Variants in IPO5 observed in about 807,000 individuals in gnomAD.
IPO5 encodes the protein importin 5.
Under a neutral mutation model 143.3 loss-of-function variants are expected in IPO5, and 18 were observed. The observed-to-expected ratio is 0.13, with a 90% confidence interval of 0.09 to 0.19. The LOEUF is 0.19. Ranked by LOEUF, IPO5 falls within the 10% of genes least tolerant of loss-of-function variation. The pLI, the probability that IPO5 is intolerant of heterozygous loss-of-function variation, is 1.00. For synonymous variants in IPO5, 477 were observed against 465.7 expected (o/e 1.02, Z -0.31); for missense variants, 1,013 against 1,336.9 (o/e 0.76, Z 3.78).
chr13:97,986,844 G>C (rs1887396176), intron 6 of IPO5: 1 of 152,180 alleles, frequency 6.6e-6, no homozygotes, highest in African/African-American at 2.4e-5. Context: ...GCCTGGGAGA[G>C]GGCTCCAGCT....
chr13:98,019,350 A>G (rs1286122429), intron 26 of IPO5, among the ~76,000 whole-genome samples: 3 of 152,188 alleles, frequency 2.0e-5, no homozygotes, highest in Admixed American at 2.0e-4. Flanking sequence ...TCTGGAGGCC[A>G]CTAATCTCTC....
chr13:98,014,827 T>C (rs1181189004), intron 22 of IPO5, among the ~76,000 whole-genome samples: 1 of 147,512 alleles, frequency 6.8e-6, no homozygotes, highest in African/African-American at 2.7e-5. Context: ...TACACTTTCC[T>C]CAATTCTTCT....
chr13:97,983,872 G>T lies in IPO5; in HGVS notation c.171+1289G>T, dbSNP rs1887075324. Among the ~76,000 whole-genome samples the T allele has an allele frequency of 3.5e-5, 5 of 144,518 alleles. No individual in the cohort carries two copies. In the South Asian group the frequency reaches 1.1e-3, roughly 32 times the overall value. The allele number at this position is 144,518 out of a possible 152,430, so 94.8% of individuals were successfully genotyped here. On this transcript the variant is annotated intron_variant, in intron 5 of 28. Transcript: ENST00000651721. ...AAGTATCCCAATTTTTTTTTTTCTA[G>T]ATGACAAGAGGTACTTCTTTGCTTT... is the stretch of plus-strand genomic sequence containing the variant.
At chr13:97,987,599 A>G (rs1887479317) in intron 6 of IPO5, among the ~76,000 whole-genome samples, 1 of 152,132 alleles carries the variant, frequency 6.6e-6, no homozygotes, top group Non-Finnish European at 1.5e-5. Context: ...GGCTTACCGC[A>G]GCCTCCACCT....
At chr13:97,965,345 C>G (rs897463830) in intron 2 of IPO5, among the ~76,000 whole-genome samples, 3 of 152,044 alleles carry the variant, frequency 2.0e-5, no homozygotes, top group Admixed American at 6.6e-5. Context: ...TATATCGAAA[C>G]TGAAAAATTA....
At chr13:97,983,011 C>T (rs1886982536) in intron 5 of IPO5, among the ~76,000 whole-genome samples, 1 of 152,196 alleles carries the variant, frequency 6.6e-6, no homozygotes, top group South Asian at 2.1e-4. Context: ...ACTGGGATTA[C>T]AGGCGTGCGC....
chr13:97,991,874 C>T (rs1163352737), intron 9 of IPO5, among the ~76,000 whole-genome samples: 1 of 152,212 alleles, frequency 6.6e-6, no homozygotes, highest in Non-Finnish European at 1.5e-5. Context: ...ATGAGAAGAT[C>T]ATGTAAGTCC....
intron 24 of IPO5, 108 bp downstream of exon 24, chr13:98,015,889 G>A: frequency 1.4e-6 from 1 of 691,924 alleles, no homozygotes; most frequent in Non-Finnish European, 2.5e-6. Flanking sequence ...GTAATTATCA[G>A]TCTTTAGCAG....
intron 5 of IPO5, 64 bp from the exon 6 acceptor site, chr13:97,985,357 T>C (rs1887242007): frequency 7.6e-7 from 1 of 1,313,414 alleles, no homozygotes; most frequent in Non-Finnish European, 1.1e-6. Flanking sequence ...AATATAAAAA[T>C]ACAACAGTGA....
At chr13:97,975,972 G>C in intron 3 of IPO5, 1 of 985,626 alleles carries the variant, frequency 1.0e-6, no homozygotes, top group South Asian at 4.7e-5. Flanking sequence ...CGGAGGGTCT[G>C]AAAGCGAGAA....
At chr13:97,976,623 GC>G in intron 3 of IPO5, 69 bp from the exon 4 acceptor site, 2 of 412,824 alleles carry the variant, frequency 4.8e-6, no homozygotes, top group South Asian at 3.6e-5. Context: ...GCCCGCCCCC[GC>G]CCCTCCCGCG....
intron 9 of IPO5, among the ~76,000 whole-genome samples, chr13:97,991,406 C>G (rs768356188): frequency 6.6e-6 from 1 of 152,138 alleles, no homozygotes; most frequent in Non-Finnish European, 1.5e-5. Flanking sequence ...ATTGGCAAGT[C>G]AAACACCACA....
intron 13 of IPO5, chr13:98,001,702 TC>T (rs1458594132): frequency 6.6e-6 from 1 of 152,332 alleles, no homozygotes; most frequent in Non-Finnish European, 1.5e-5. Flanking sequence ...GGTCTCAAAC[TC>T]CTAACCTCAA....
At chr13:97,955,693 G>A (rs1884407483) in intron 2 of IPO5, among the ~76,000 whole-genome samples, 2 of 152,090 alleles carry the variant, frequency 1.3e-5, no homozygotes. Flanking sequence ...ATTTACAGAT[G>A]AGGAAATGGA....
At chr13:98,014,482 C>T (rs543008026) in intron 22 of IPO5, among the ~76,000 whole-genome samples, 22 of 152,194 alleles carry the variant, frequency 1.4e-4, no homozygotes, top group Admixed American at 7.2e-4. Flanking sequence ...AGGTCTCAAA[C>T]TCCTGGCCTC....
At position 97,971,825 on chromosome 13, in the gene IPO5, A is replaced by G. The variant is rs1465953002; in HGVS notation, c.-5+1995A>G. 2.6e-5 allele frequency among the ~76,000 whole-genome samples: 4 copies of G among 152,206 alleles called. No individual in the cohort carries two copies. In the East Asian group the frequency reaches 7.7e-4, roughly 29 times the overall value. ...AGAGTAATTACTTGTTTAAGGTCAC[A>G]TTTAACTCCCAAATCCATCTTACTA... is the stretch of plus-strand genomic sequence containing the variant. On this transcript the variant is annotated intron_variant, in intron 3 of 28. Coordinates refer to ENST00000651721, the MANE Select transcript of IPO5 (RefSeq NM_002271.6).
intron 2 of IPO5, among the ~76,000 whole-genome samples, chr13:97,964,351 A>G (rs953162223): frequency 2.0e-5 from 3 of 151,568 alleles, no homozygotes; most frequent in South Asian, 2.1e-4. Context: ...TCTTTAATCC[A>G]TCTTGAGTTA....
At chr13:97,969,533 A>T (rs1885651491) in intron 2 of IPO5, among the ~76,000 whole-genome samples, 190 bp from the exon 3 acceptor site, 2 of 152,172 alleles carry the variant, frequency 1.3e-5, no homozygotes, top group Admixed American at 6.6e-5. Flanking sequence ...AATGATTTTT[A>T]AAAATCCATT....
At chr13:97,997,129 A>G (rs1888360272) in intron 11 of IPO5, among the ~76,000 whole-genome samples, 1 of 152,242 alleles carries the variant, frequency 6.6e-6, no homozygotes, top group Non-Finnish European at 1.5e-5. Flanking sequence ...GCCGAGGTAC[A>G]TATATTATGA....
Sources: allele counts gnomAD v4.1 joint callset (sites outside exome capture counted in the v4.1 genomes callset), GRCh38; gene constraint gnomAD v4.1.1; transcripts MANE v1.5; gene names NCBI Gene and HGNC (gene_info 2026-07-23, HGNC 2026-07-21).